FNIP2: variants seen among roughly 807,000 people sequenced by gnomAD.
FNIP2 encodes the protein folliculin-interacting protein 2.
A neutral mutation model predicts 108.7 loss-of-function variants in FNIP2; 32 were observed. That is an observed-to-expected ratio of 0.29 (90% CI 0.22 to 0.40). The LOEUF (loss-of-function observed/expected upper bound fraction) is 0.40. FNIP2 is among the 10% of genes least tolerant of loss of function. The pLI, the probability that FNIP2 is intolerant of heterozygous loss-of-function variation, is 1.00. For missense variants in FNIP2, 1,202 were observed against 1,381.6 expected (o/e 0.87, Z 2.06); for synonymous variants, 480 against 496.7 (o/e 0.97, Z 0.45).
intron 14 of FNIP2, among the ~76,000 whole-genome samples, chr4:158,877,406 C>T (rs1781346335): frequency 6.6e-6 from 1 of 152,152 alleles, no homozygotes; most frequent in East Asian, 1.9e-4. Context: ...TAGCAATGTC[C>T]CAAGGTCCAA....
At position 158,835,515 on chromosome 4, in the gene FNIP2, AACTATCT is replaced by A. The variant is rs755275420; in HGVS notation, c.727+42_727+48del. Reference sequence around the variant, plus strand: ...GTTTATTGGTTTAACTAACAGAGTGAACTATCTACAGTGGTGTGGAAGGTGGGAAAGT... The same window carrying A: ...GTTTATTGGTTTAACTAACAGAGTGAACAGTGGTGTGGAAGGTGGGAAAGT... On this transcript the variant is annotated intron_variant, in intron 7 of 16. Transcript: ENST00000264433. The A allele has an allele frequency of 1.1e-5, 18 of 1,570,422 alleles. No homozygotes were observed. In the Admixed American group the frequency reaches 1.5e-4, roughly 13 times the overall value.
At position 158,814,891 on chromosome 4, in the gene FNIP2, A is replaced by G. The variant is rs138666791; in HGVS notation, c.108-11025A>G. Among the ~76,000 whole-genome samples, 199 of 152,364 alleles carry G rather than the reference A, an allele frequency of 1.3e-3. 1 individual carries two copies. In the Middle Eastern group the frequency reaches 0.031, roughly 23 times the overall value. On this transcript the variant is annotated intron_variant, in intron 1 of 16. Coordinates refer to ENST00000264433, the MANE Select transcript of FNIP2 (RefSeq NM_020840.3). ...TACCAAGAAGCCTCTTAAAGGAAAC[A>G]GTAGTTAAGGGCTTGTCTTAAAGCA...
intron 7 of FNIP2, among the ~76,000 whole-genome samples, chr4:158,845,092 G>T (rs1779327368): frequency 6.6e-6 from 1 of 152,186 alleles, no homozygotes; most frequent in Admixed American, 6.5e-5. Flanking sequence ...GCACAAAACT[G>T]CCAAAGTCTT....
chr4:158,894,452 G>A (rs1489393931), intron 15 of FNIP2, among the ~76,000 whole-genome samples: 5 of 152,062 alleles, frequency 3.3e-5, no homozygotes, highest in Non-Finnish European at 7.4e-5. Flanking sequence ...GATTACATGC[G>A]TGAGCCACTA....
chr4:158,805,437 G>C (rs556021433), intron 1 of FNIP2, among the ~76,000 whole-genome samples: 6 of 152,206 alleles, frequency 3.9e-5, no homozygotes, highest in Non-Finnish European at 7.3e-5. Context: ...TCAAAATTGA[G>C]CTGCTTTTGT....
At chr4:158,885,711 A>G (rs1383395984) in intron 14 of FNIP2, among the ~76,000 whole-genome samples, 2 of 152,372 alleles carry the variant, frequency 1.3e-5, no homozygotes, top group East Asian at 3.9e-4. Context: ...GCCTCACAGA[A>G]GCTCTGAACT....
chr4:158,861,524 C>A (rs755047216), intron 11 of FNIP2, 36 bp downstream of exon 11: 16 of 1,613,524 alleles, frequency 9.9e-6, no homozygotes, highest in Non-Finnish European at 1.3e-5. Flanking sequence ...GTATGCAAAT[C>A]TCATGGCCAA....
chr4:158,839,807 G>A (rs529882780), intron 7 of FNIP2, among the ~76,000 whole-genome samples: 26 of 152,236 alleles, frequency 1.7e-4, no homozygotes, highest in Admixed American at 8.5e-4. Context: ...TTTCTGGCAA[G>A]ACAAGATGCT....
At chr4:158,773,803 C>T (rs193147457) in intron 1 of FNIP2, among the ~76,000 whole-genome samples, 2 of 152,216 alleles carry the variant, frequency 1.3e-5, no homozygotes, top group Non-Finnish European at 2.9e-5. Flanking sequence ...AGATGTTCAG[C>T]GGACACTCAC....
At chr4:158,837,799 G>A (rs867098312) in intron 7 of FNIP2, among the ~76,000 whole-genome samples, 13 of 152,300 alleles carry the variant, frequency 8.5e-5, no homozygotes, top group Middle Eastern at 3.4e-3. Flanking sequence ...TTGGTAGTTT[G>A]ACTTCTATTC....
chr4:158,799,750 A>G (rs888417045), intron 1 of FNIP2, among the ~76,000 whole-genome samples: 14 of 152,252 alleles, frequency 9.2e-5, no homozygotes, highest in African/African-American at 1.4e-4. Flanking sequence ...GCAGTCTTCA[A>G]AAAATAATCC....
At chr4:158,816,776 C>T (rs1156403931) in intron 1 of FNIP2, among the ~76,000 whole-genome samples, 1 of 129,776 alleles carries the variant, frequency 7.7e-6, no homozygotes, top group Non-Finnish European at 1.6e-5. Context: ...CAGAGTGAGA[C>T]TCTGTCTCAA....
At chr4:158,816,071 G>GTATA (rs144424478) in intron 1 of FNIP2, among the ~76,000 whole-genome samples, 3 of 150,774 alleles carry the variant, frequency 2.0e-5, no homozygotes, top group Non-Finnish European at 3.0e-5. Context: ...TGGGTCACGA[G>GTATA]TATATATATA....
intron 1 of FNIP2, among the ~76,000 whole-genome samples, chr4:158,788,047 A>G (rs1578823944): frequency 6.6e-6 from 1 of 152,156 alleles, no homozygotes; most frequent in East Asian, 1.9e-4. Context: ...CCCTGACACT[A>G]TCACTTAATA....
intron 1 of FNIP2, among the ~76,000 whole-genome samples, chr4:158,785,347 G>A (rs921290994): frequency 3.3e-5 from 5 of 152,052 alleles, no homozygotes; most frequent in Non-Finnish European, 7.4e-5. Context: ...GCCTCCCAAG[G>A]TGCTGGGATT....
intron 14 of FNIP2, chr4:158,872,098 T>C: frequency 1.0e-6 from 1 of 985,344 alleles, no homozygotes; most frequent in South Asian, 4.7e-5. Context: ...GAGCTGCTTC[T>C]GACAGAGGTA....
At chr4:158,860,767 C>CT (rs2126678050) in intron 10 of FNIP2, among the ~76,000 whole-genome samples, 1 of 151,734 alleles carries the variant, frequency 6.6e-6, no homozygotes, top group East Asian at 1.9e-4. Flanking sequence ...AGCGATTCTC[C>CT]TGCCTCAGCC....
At chr4:158,837,975 A>C (rs1424423512) in intron 7 of FNIP2, among the ~76,000 whole-genome samples, 1 of 152,228 alleles carries the variant, frequency 6.6e-6, no homozygotes, top group African/African-American at 2.4e-5. Flanking sequence ...GAAGTCACAG[A>C]GTCCACGTCA....
At chr4:158,794,978 A>G (rs1776540128) in intron 1 of FNIP2, among the ~76,000 whole-genome samples, 6 of 152,222 alleles carry the variant, frequency 3.9e-5, no homozygotes, top group Non-Finnish European at 8.8e-5. Context: ...TGCTAAGAGA[A>G]GTTTATTCAT....
Sources: allele counts gnomAD v4.1 joint callset (sites outside exome capture counted in the v4.1 genomes callset), GRCh38; gene constraint gnomAD v4.1.1; transcripts MANE v1.5; gene names NCBI Gene and HGNC (gene_info 2026-07-23, HGNC 2026-07-21).